Variants in TMEM135 observed in about 807,000 individuals in gnomAD.
TMEM135 encodes the protein peroxisomal membrane protein 52.
In TMEM135, 30 loss-of-function variants were observed where a neutral mutation model predicts 60.3. The observed-to-expected ratio is 0.50, with a 90% CI of 0.37 to 0.68. The LOEUF (loss-of-function observed/expected upper bound fraction) is 0.68, where lower values mean the gene tolerates loss of function less well. Among genes scored for constraint, TMEM135 ranks in the 30% least tolerant of loss-of-function variants. The pLI, the probability that TMEM135 is intolerant of heterozygous loss-of-function variation, is 0.00. For missense variants in TMEM135, 468 were observed against 548.8 expected (o/e 0.85, Z 1.47); for synonymous variants, 190 against 186.7 (o/e 1.02, Z -0.14).
intron 6 of TMEM135, among the ~76,000 whole-genome samples, chr11:87,264,596 G>A (rs1387339969): frequency 6.6e-6 from 1 of 151,760 alleles, no homozygotes; most frequent in African/African-American, 2.4e-5. Flanking sequence ...AATGTATTCA[G>A]ATATGTATTG....
intron 5 of TMEM135, among the ~76,000 whole-genome samples, chr11:87,195,672 A>T (rs528767766): frequency 6.6e-6 from 1 of 152,156 alleles, no homozygotes; most frequent in African/African-American, 2.4e-5. Context: ...CGCCTCCCAA[A>T]GCGTTGGGAT....
At chr11:87,319,283 A>G (rs1405621485) in intron 13 of TMEM135, 27 bp from the exon 14 acceptor site, 2 of 1,567,900 alleles carry the variant, frequency 1.3e-6, no homozygotes, top group African/African-American at 1.4e-5. Flanking sequence ...TATATTTACT[A>G]AAAGAATTCT....
chr11:87,133,064 G>A (rs773362206), intron 4 of TMEM135, among the ~76,000 whole-genome samples: 4 of 152,194 alleles, frequency 2.6e-5, no homozygotes, highest in Admixed American at 1.3e-4. Flanking sequence ...CATCTATAGC[G>A]TGGATACCTG....
chr11:87,207,362 C>T (rs1400166544), intron 5 of TMEM135, among the ~76,000 whole-genome samples: 1 of 152,128 alleles, frequency 6.6e-6, no homozygotes, highest in Admixed American at 6.5e-5. Flanking sequence ...TACCTTATGG[C>T]TCTTTTTCTG....
chr11:87,289,305 A>T (rs1436954714), intron 6 of TMEM135, among the ~76,000 whole-genome samples: 3 of 152,048 alleles, frequency 2.0e-5, no homozygotes, highest in Admixed American at 6.6e-5. Context: ...GGAATATTCA[A>T]TATTCTCCTT....
At chr11:87,132,519 T>C (rs2135233749) in intron 4 of TMEM135, among the ~76,000 whole-genome samples, 1 of 152,300 alleles carries the variant, frequency 6.6e-6, no homozygotes, top group East Asian at 1.9e-4. Context: ...ATTGGATTCA[T>C]TGTAGTATAA....
intron 5 of TMEM135, among the ~76,000 whole-genome samples, chr11:87,184,348 A>G (rs1166552185): frequency 1.3e-5 from 2 of 152,214 alleles, no homozygotes; most frequent in African/African-American, 4.8e-5. Flanking sequence ...CTTCAGTAGT[A>G]ATAGAGTATG....
intron 12 of TMEM135, among the ~76,000 whole-genome samples, chr11:87,315,847 A>G (rs1005500935): frequency 1.3e-5 from 2 of 151,978 alleles, no homozygotes; most frequent in East Asian, 3.8e-4. Context: ...TTTAACATAT[A>G]TGATTTATTT....
At chr11:87,124,237 AAAG>A (rs893509163) in intron 4 of TMEM135, among the ~76,000 whole-genome samples, 14 of 152,312 alleles carry the variant, frequency 9.2e-5, no homozygotes, top group African/African-American at 3.4e-4. Flanking sequence ...CTCAGAATTG[AAAG>A]AAGTTCTAAA....
chr11:87,166,914 A>G (rs558290274), intron 5 of TMEM135, among the ~76,000 whole-genome samples: 11 of 152,240 alleles, frequency 7.2e-5, no homozygotes, highest in Admixed American at 5.2e-4. Flanking sequence ...CATTTTCACA[A>G]TATTACTTCT....
chr11:87,106,889 C>T (rs1411894353), intron 4 of TMEM135, among the ~76,000 whole-genome samples: 1 of 152,144 alleles, frequency 6.6e-6, no homozygotes, highest in Non-Finnish European at 1.5e-5. Flanking sequence ...GGGGAGTCCT[C>T]AGGAAGCTTA....
rs1474306807 is a variant in TMEM135 at position 87,325,639 on chromosome 11, G to A, written c.*4306G>A. The A allele has an allele frequency of 6.6e-6, 3 of 453,810 alleles. No homozygotes were observed. Among genetic ancestry groups the A allele is most frequent in the African/African-American group, 4.0e-5 (2 of 49,946 alleles). 28.1% of individuals were successfully genotyped at this position (453,810 alleles called of 1,614,324 possible). On this transcript the variant is annotated 3_prime_UTR_variant, in exon 15 of 15. Coordinates refer to ENST00000305494, the MANE Select transcript of TMEM135 (RefSeq NM_022918.4). ...GCAACCTTTTAAGCCAGCCGTTCAAGTGAGAGGCTCTGGAGTGATCATAAC... is the reference window on the plus strand; with the variant it reads ...GCAACCTTTTAAGCCAGCCGTTCAAATGAGAGGCTCTGGAGTGATCATAAC...
At chr11:87,057,386 A>G (rs1025378832) in intron 1 of TMEM135, among the ~76,000 whole-genome samples, 2 of 152,124 alleles carry the variant, frequency 1.3e-5, no homozygotes, top group African/African-American at 2.4e-5. Flanking sequence ...TCCCACATAT[A>G]TTATTAACAA....
chr11:87,194,984 A>G (rs528828404), intron 5 of TMEM135, among the ~76,000 whole-genome samples: 170 of 152,322 alleles, frequency 1.1e-3, no homozygotes, highest in African/African-American at 3.9e-3. Flanking sequence ...TTTTAAAACC[A>G]TATCAGCATT....
intron 6 of TMEM135, among the ~76,000 whole-genome samples, chr11:87,267,760 TC>T (rs1395976844): frequency 6.6e-6 from 1 of 152,152 alleles, no homozygotes; most frequent in East Asian, 1.9e-4. Flanking sequence ...TGGCATGGTC[TC>T]CACTCACAGC....
intron 5 of TMEM135, among the ~76,000 whole-genome samples, chr11:87,222,312 C>A (rs1226105334): frequency 6.8e-6 from 1 of 147,250 alleles, no homozygotes; most frequent in South Asian, 2.2e-4. Context: ...CTGGCTAACA[C>A]GGTGAAACCC....
chr11:87,295,487 G>A (rs557222180), intron 6 of TMEM135, among the ~76,000 whole-genome samples: 2 of 152,206 alleles, frequency 1.3e-5, no homozygotes, highest in Admixed American at 6.5e-5. Flanking sequence ...TTTACTCCCA[G>A]CCTTCATTTT....
intron 5 of TMEM135, among the ~76,000 whole-genome samples, chr11:87,204,382 T>C (rs1393723809): frequency 6.6e-6 from 1 of 152,160 alleles, no homozygotes; most frequent in Non-Finnish European, 1.5e-5. Flanking sequence ...AGAGTACCTT[T>C]TGTCCCATTC....
chr11:87,248,746 A>T (rs562983936), intron 6 of TMEM135, among the ~76,000 whole-genome samples: 27 of 152,158 alleles, frequency 1.8e-4, no homozygotes, highest in Non-Finnish European at 3.2e-4. Context: ...TAATCTATGA[A>T]CATGGAAATC....
Sources: gnomAD v4.1 joint callset for allele counts (sites outside exome capture counted in the v4.1 genomes callset) on GRCh38, gnomAD v4.1.1 for gene constraint, MANE v1.5 for transcripts, NCBI Gene and HGNC (gene_info 2026-07-23, HGNC 2026-07-21) for gene names.